The following UBE2G2 variants were observed in gnomAD, a reference collection of about 807,000 sequenced individuals.
UBE2G2 encodes the protein ubiquitin conjugating enzyme E2 G2.
Under a neutral mutation model 23.0 loss-of-function variants are expected in UBE2G2, and 10 were observed. The observed-to-expected ratio is 0.43, with a 90% CI of 0.27 to 0.74. UBE2G2 has a LOEUF of 0.74. UBE2G2 is among the 30% of genes least tolerant of loss of function. The pLI is 0.19. For synonymous variants in UBE2G2, 86 were observed against 81.3 expected, an observed-to-expected ratio of 1.06 and a Z score of -0.31; for missense variants, 150 against 218.3, an observed-to-expected ratio of 0.69 and a Z score of 1.97.
intron 3 of UBE2G2, among the ~76,000 whole-genome samples, chr21:44,787,233 G>A (rs2083003573): frequency 6.6e-6 from 1 of 152,104 alleles, no homozygotes; most frequent in Admixed American, 6.5e-5. Flanking sequence ...AAGGTAGAAA[G>A]AAGAAAAAGC....
At chr21:44,774,786 T>C in intron 4 of UBE2G2, 1 of 454,128 alleles carries the variant, frequency 2.2e-6, no homozygotes, top group Non-Finnish European at 4.4e-6. Flanking sequence ...CACTTCTGTG[T>C]TGCCTTCTCC....
intron 3 of UBE2G2, among the ~76,000 whole-genome samples, chr21:44,780,946 G>A (rs1415618724): frequency 1.3e-5 from 2 of 152,232 alleles, no homozygotes; most frequent in Non-Finnish European, 2.9e-5. Context: ...GAGCACCCAG[G>A]GCAAGTGGGT....
intron 1 of UBE2G2, among the ~76,000 whole-genome samples, chr21:44,790,768 T>C (rs2083036956): frequency 6.6e-6 from 1 of 152,180 alleles, no homozygotes; most frequent in South Asian, 2.1e-4. Flanking sequence ...GAAGTTCTTA[T>C]AGGAGTGTGA....
chr21:44,779,385 T>C (rs1300067243), intron 3 of UBE2G2, among the ~76,000 whole-genome samples: 2 of 143,340 alleles, frequency 1.4e-5, no homozygotes, highest in South Asian at 2.4e-4. Context: ...GGGGGGGTAC[T>C]GTGTGACAGT....
At chr21:44,777,734 G>A (rs1444524247) in intron 3 of UBE2G2, among the ~76,000 whole-genome samples, 1 of 152,146 alleles carries the variant, frequency 6.6e-6, no homozygotes, top group Non-Finnish European at 1.5e-5. Flanking sequence ...TCTGAGCCTG[G>A]GAGGTGGAGG....
chr21:44,772,822 G>A lies in UBE2G2; in HGVS notation c.385+725C>T, dbSNP rs1344704609. Among the ~76,000 whole-genome samples the A allele has an allele frequency of 6.6e-6, 1 of 152,136 alleles. No homozygotes were observed. The highest frequency in any genetic ancestry group is 1.5e-5 in the Non-Finnish European group (1 of 68,024). ...CTCCAGGCTACTGCAACACCACGAT[G>A]TCTCTGTTTGTCTTCCATCACACTA... On this transcript the variant is annotated intron_variant, in intron 5 of 5. Coordinates refer to ENST00000345496, the MANE Select transcript of UBE2G2 (RefSeq NM_003343.6). This position sits in a 1 kb window ranked among gnomAD's most constrained non-coding sequence, Gnocchi z 5.4.
chr21:44,787,770 G>T, intron 3 of UBE2G2, 150 bp downstream of exon 3: 1 of 805,398 alleles, frequency 1.2e-6, no homozygotes, highest in Non-Finnish European at 1.9e-6. Flanking sequence ...TCTGCTTTCA[G>T]ACCAGCAGCC....
intron 3 of UBE2G2, among the ~76,000 whole-genome samples, chr21:44,782,546 G>A (rs1319094164): frequency 6.6e-6 from 1 of 152,226 alleles, no homozygotes; most frequent in Non-Finnish European, 1.5e-5. Context: ...AACTTACCAT[G>A]AAGCTCCAGT....
rs1011169727 is a variant in UBE2G2, at chr21:44,771,780, C to T, written c.386-291G>A. 9.9e-5 allele frequency among the ~76,000 whole-genome samples: 15 copies of T among 152,204 alleles called. No individual in the cohort carries two copies. Among genetic ancestry groups the T allele is most frequent in the African/African-American group, 3.4e-4 (14 of 41,452 alleles). On this transcript the variant is annotated intron_variant, in intron 5 of 5. Coordinates refer to ENST00000345496, the MANE Select transcript of UBE2G2 (RefSeq NM_003343.6). The surrounding 1 kb of genome is among the most constrained non-coding windows in gnomAD (Gnocchi z 4.6). The stretch of plus-strand genomic sequence containing the variant: ...ACAACCACCTAAGCACAGGCCCACA[C>T]GGCCTCCCACAGCAGCCTCCTGGGC...
At chr21:44,789,656 C>T (rs1323479152) in intron 1 of UBE2G2, among the ~76,000 whole-genome samples, 1 of 152,114 alleles carries the variant, frequency 6.6e-6, no homozygotes, top group African/African-American at 2.4e-5. Context: ...CCCCATCTCA[C>T]ACCACATATA....
At position 44,796,822 on chromosome 21, in the gene UBE2G2, A is replaced by G. The variant is rs546025617; in HGVS notation, c.43+4884T>C. On this transcript the variant is annotated intron_variant, in intron 1 of 5. Transcript: ENST00000345496. ...ACTTCCACGGGTCTGTTGGTCTGGG[A>G]TCATTCTCAGCTTCTTGAGGCTGCC... Among the ~76,000 whole-genome samples, 14 of 152,282 alleles carry G rather than the reference A, an allele frequency of 9.2e-5. No individual in the cohort carries two copies. The South Asian group carries it at 2.9e-3, about 32-fold the overall frequency.
At chr21:44,799,991 T>C (rs1325119378) in intron 1 of UBE2G2, 1 of 152,242 alleles carries the variant, frequency 6.6e-6, no homozygotes, top group African/African-American at 2.4e-5. Context: ...AGCCAGTCAG[T>C]GAAGCACACA....
intron 1 of UBE2G2, among the ~76,000 whole-genome samples, chr21:44,795,119 C>G (rs1555963497): frequency 6.6e-6 from 1 of 151,946 alleles, no homozygotes; most frequent in Non-Finnish European, 1.5e-5. Context: ...AAAAATTAGC[C>G]AGGTGTGGTG....
At chr21:44,797,594 A>C (rs970858947) in intron 1 of UBE2G2, among the ~76,000 whole-genome samples, 2 of 151,932 alleles carry the variant, frequency 1.3e-5, no homozygotes, top group Non-Finnish European at 2.9e-5. Context: ...GCGCGCCTGT[A>C]GTCCCAGCTA....
chr21:44,771,455 C>T lies in UBE2G2; in HGVS notation c.420G>A (p.Ala140=), dbSNP rs573936071. The change falls in exon 6 of 6, where the codon GCG becomes GCA. Residue 140 remains alanine, a synonymous_variant. Transcript: ENST00000345496. This position sits in a 1 kb window ranked among gnomAD's most constrained non-coding sequence, Gnocchi z 4.6. The part of the protein sequence containing the change: ...PNDESGANVD[A]SKMWRDDREQ... ...CCCGGTCATCGCGCCACATTTTGGA[C>T]GCATCCACGTTAGCTCCACTTTCGT... The T allele has an allele frequency of 2.0e-5, 33 of 1,612,682 alleles. No homozygotes were observed. The highest frequency in any genetic ancestry group is 6.7e-5 in the East Asian group (3 of 44,878).
At position 44,782,288 on chromosome 21, in the gene UBE2G2, G is replaced by A. The variant is rs79960520; in HGVS notation, c.126-4871C>T. Among the ~76,000 whole-genome samples, 493 of 152,232 alleles carry A rather than the reference G, an allele frequency of 3.2e-3. 4 individuals carry two copies. Among genetic ancestry groups the A allele is most frequent in the African/African-American group, 0.011 (469 of 41,546 alleles). On this transcript the variant is annotated intron_variant, in intron 3 of 5. Transcript: ENST00000345496. ...AAAAATTCAAATGTATCATGGCATTGCTGAGAATTTTAAAACACCTAAATA... is the reference window on the plus strand; with the variant it reads ...AAAAATTCAAATGTATCATGGCATTACTGAGAATTTTAAAACACCTAAATA...
In UBE2G2 at chr21:44,801,777, T is replaced by G; in HGVS notation, c.-29A>C. ...CCCGCAACAGCTGCGCCGAGCGACC[T>G]CGCCTCAGCCGCGCGCGTGCCTCCT... is the stretch of plus-strand genomic sequence containing the variant. On this transcript the variant is annotated 5_prime_UTR_variant, in exon 1 of 6. Coordinates refer to ENST00000345496, the MANE Select transcript of UBE2G2 (RefSeq NM_003343.6). 6.6e-7 allele frequency: 1 copy of G among 1,508,740 alleles called. No homozygotes were observed. Among genetic ancestry groups the G allele is most frequent in the Admixed American group, 2.2e-5 (1 of 45,410 alleles). 93.5% of individuals were successfully genotyped at this position (1,508,740 alleles called of 1,614,324 possible).
chr21:44,779,692 C>T (rs1456281357), intron 3 of UBE2G2, among the ~76,000 whole-genome samples: 4 of 152,252 alleles, frequency 2.6e-5, no homozygotes, highest in Non-Finnish European at 4.4e-5. Flanking sequence ...CTGTCCAGTA[C>T]AAGAGCTCAG....
chr21:44,801,266 G>C (rs902159374), intron 1 of UBE2G2: 7 of 997,738 alleles, frequency 7.0e-6, no homozygotes, highest in Non-Finnish European at 8.4e-6. Context: ...TTCATTAGAG[G>C]GAAAGCCAAA....
Sources: gnomAD v4.1 joint callset for allele counts (sites outside exome capture counted in the v4.1 genomes callset) on GRCh38, gnomAD v4.1.1 for gene constraint, Gnocchi (gnomAD v3.1) non-coding constraint, MANE v1.5 for transcripts, NCBI Gene and HGNC (gene_info 2026-07-23, HGNC 2026-07-21) for gene names.